Variants in TG observed in about 807,000 individuals in gnomAD.
The protein encoded by TG is thyroid hormones.
Under a neutral mutation model 324.7 loss-of-function variants are expected in TG, and 270 were observed. That is an observed-to-expected ratio of 0.83 (90% CI 0.75 to 0.92). TG has a LOEUF of 0.92. Ranked by LOEUF, TG falls within the 40% of genes least tolerant of loss-of-function variation. TG has a pLI of 0.00. For missense variants in TG, 3,591 were observed against 3,456.4 expected (o/e 1.04, Z -0.98); for synonymous variants, 1,401 against 1,327.0 (o/e 1.06, Z -1.21).
At chr8:133,033,972 G>C (rs1293682149) in intron 41 of TG, among the ~76,000 whole-genome samples, 1 of 152,236 alleles carries the variant, frequency 6.6e-6, no homozygotes, top group East Asian at 1.9e-4. Flanking sequence ...TTCAGAGACA[G>C]TGCTGAGTTC....
At chr8:133,114,203 C>T (rs915423513) in intron 44 of TG, among the ~76,000 whole-genome samples, 7 of 152,186 alleles carry the variant, frequency 4.6e-5, no homozygotes, top group African/African-American at 1.4e-4. Context: ...ACAGCCCAAG[C>T]TCTGACAGCC....
intron 43 of TG, among the ~76,000 whole-genome samples, chr8:133,108,077 T>G (rs59416891): frequency 0.3 from 44,218 of 149,490 alleles, 6,869 homozygotes; most frequent in African/African-American, 0.38. Flanking sequence ...TGTCTGCCAG[T>G]TTCACCCCAT....
intron 21 of TG, 149 bp downstream of exon 21, chr8:132,919,674 T>C (rs1820850634): frequency 1.4e-5 from 15 of 1,083,448 alleles, no homozygotes; most frequent in Non-Finnish European, 1.9e-5. Context: ...TTTAGTAGCA[T>C]TGGTAGCTCT....
chr8:132,939,953 G>A (rs749672787), intron 25 of TG, among the ~76,000 whole-genome samples: 2 of 152,152 alleles, frequency 1.3e-5, no homozygotes, highest in South Asian at 2.1e-4. Context: ...TGGGATTACA[G>A]GCATGAGCCA....
At chr8:132,992,480 A>C (rs143783460) in intron 35 of TG, among the ~76,000 whole-genome samples, 5 of 152,300 alleles carry the variant, frequency 3.3e-5, no homozygotes, top group African/African-American at 1.2e-4. Flanking sequence ...AATTGCGATT[A>C]CTTTTGCACC....
intron 18 of TG, among the ~76,000 whole-genome samples, chr8:132,908,929 A>T (rs1440561232): frequency 1.3e-5 from 2 of 152,170 alleles, no homozygotes; most frequent in African/African-American, 4.8e-5. Context: ...AGGAAATAGA[A>T]GGTCAGAGTT....
intron 43 of TG, chr8:133,106,596 C>A: frequency 3.0e-6 from 1 of 331,888 alleles, no homozygotes; most frequent in East Asian, 1.7e-4. Flanking sequence ...CCCAGCTGTC[C>A]GCATGTCTGA....
In TG at chr8:132,873,106, G is replaced by C. The variant is rs745843270; in HGVS notation, c.523G>C (p.Val175Leu). The C allele has an allele frequency of 6.2e-7, 1 of 1,614,174 alleles. No individual in the cohort carries two copies. Among genetic ancestry groups the C allele is most frequent in the Middle Eastern group, 1.6e-4 (1 of 6,062 alleles). ...EIRNRRLLHG[V>L]GDKSPPQCSA... ...AAGAAATCGTCGTCTTCTCCACGGG[G>C]TGGGAGATAAGTCACCACCCCAGTG... Residue 175 changes from valine (V) to leucine (L), a missense_variant, in exon 5 of 48, where the codon GTG becomes CTG. Transcript: ENST00000220616.
At chr8:133,010,592 C>G (rs1156922474) in intron 35 of TG, among the ~76,000 whole-genome samples, 2 of 152,182 alleles carry the variant, frequency 1.3e-5, no homozygotes, top group African/African-American at 4.8e-5. Flanking sequence ...CCCGAATGAT[C>G]ATGGAAGCCT....
intron 35 of TG, among the ~76,000 whole-genome samples, chr8:132,998,663 G>A (rs1428617198): frequency 2.0e-5 from 3 of 152,244 alleles, no homozygotes; most frequent in South Asian, 2.1e-4. Flanking sequence ...AAATTAAAGA[G>A]CTGGCGTGAG....
chr8:133,104,795 A>G (rs1849651436), intron 43 of TG, among the ~76,000 whole-genome samples: 2 of 152,076 alleles, frequency 1.3e-5, no homozygotes, highest in South Asian at 4.1e-4. Context: ...ACATGGTCAC[A>G]TTGCTTCCCA....
At position 132,900,322 on chromosome 8, in the gene TG, C is replaced by G; in HGVS notation, c.3416C>G (p.Ser1139Trp). The G allele has an allele frequency of 4.3e-6, 7 of 1,612,988 alleles. No homozygotes were observed. Among genetic ancestry groups the G allele is most frequent in the Non-Finnish European group, 5.1e-6 (6 of 1,179,724 alleles). ...TCAGGAGAAGAGTTGCGGCCTGGCT[C>G]GAGCAGCAGTGCCCAGTGTGAGTAG... ...PASGEELRPG[S>W]SSSAQCPSLC... is the part of the protein sequence containing the mutation. Residue 1139 changes from serine to tryptophan, a missense_variant, in exon 15 of 48, where the codon TCG becomes TGG. By Grantham distance (177) the Ser-to-Trp change is radical. Transcript: ENST00000220616.
Position 132,961,090 on chromosome 8 carries a change from A to G in TG, c.5467+17A>G. ...TCTGGAAAGGTGAGCTCCGTGGTGG[A>G]AGAGGGGGTTAGCAGGACGCTGATT... is the stretch of plus-strand genomic sequence containing the variant. On this transcript the variant is annotated intron_variant, in intron 28 of 47. Coordinates refer to ENST00000220616, the MANE Select transcript of TG (RefSeq NM_003235.5). 2 of 1,613,780 alleles carry G rather than the reference A, an allele frequency of 1.2e-6. No homozygotes were observed. Among genetic ancestry groups the G allele is most frequent in the African/African-American group, 1.3e-5 (1 of 75,014 alleles).
At chr8:132,978,295 C>T (rs1047075602) in intron 34 of TG, among the ~76,000 whole-genome samples, 3 of 152,224 alleles carry the variant, frequency 2.0e-5, no homozygotes, top group Non-Finnish European at 2.9e-5. Flanking sequence ...ACTCATAGAG[C>T]GAGAATTCAC....
intron 40 of TG, among the ~76,000 whole-genome samples, chr8:133,023,249 C>G (rs1396192724): frequency 6.6e-6 from 1 of 152,134 alleles, no homozygotes; most frequent in African/African-American, 2.4e-5. Flanking sequence ...AAATGGGCAA[C>G]AAGTTAAGAC....
chr8:132,929,011 A>G (rs1027336376), intron 22 of TG, 65 bp from the exon 23 acceptor site: 1 of 1,346,712 alleles, frequency 7.4e-7, no homozygotes. Flanking sequence ...AACAGTCTTT[A>G]TGGCTTCTCT....
chr8:132,882,592 T>TA lies in TG; in HGVS notation c.869_870insA (p.Ile291HisfsTer12). 1.2e-6 allele frequency: 2 copies of TA among 1,614,238 alleles called. No homozygotes were observed. The highest frequency in any genetic ancestry group is 1.7e-6 in the Non-Finnish European group (2 of 1,180,046). ...AGACGGTTCCTCGCAGTTCAATCAG[T>TA]CATCTCTGGCAGATTCCGATGTAAG... On this transcript the variant is annotated frameshift_variant, in exon 7 of 48. Transcript: ENST00000220616. LOFTEE classifies it high-confidence loss of function.
intron 26 of TG, among the ~76,000 whole-genome samples, chr8:132,942,483 A>G (rs908995609): frequency 2.6e-5 from 4 of 152,226 alleles, no homozygotes; most frequent in Admixed American, 6.5e-5. Context: ...ATAGTCTGAT[A>G]TATCTTGTTA....
intron 37 of TG, among the ~76,000 whole-genome samples, chr8:133,014,460 C>A (rs62515973): frequency 1.3e-5 from 2 of 152,196 alleles, no homozygotes; most frequent in African/African-American, 2.4e-5. Context: ...TCCCCTCCCC[C>A]ACTAGACATA....
Sources: gnomAD v4.1 joint callset for allele counts (sites outside exome capture counted in the v4.1 genomes callset) on GRCh38, gnomAD v4.1.1 for gene constraint, MANE v1.5 for transcripts, NCBI Gene and HGNC (gene_info 2026-07-23, HGNC 2026-07-21) for gene names.